The following POLDIP3 variants were observed in gnomAD, a reference collection of about 807,000 sequenced individuals.
The protein encoded by POLDIP3 is polymerase delta-interacting protein 3.
Under a neutral mutation model 45.1 loss-of-function variants are expected in POLDIP3, and 14 were observed. That is an observed-to-expected ratio of 0.31 (90% CI 0.20 to 0.49). POLDIP3 has a LOEUF of 0.49. Among genes scored for constraint, POLDIP3 ranks in the 20% least tolerant of loss-of-function variants. The pLI, the probability that POLDIP3 is intolerant of heterozygous loss-of-function variation, is 0.99. For synonymous variants in POLDIP3, 223 were observed against 205.2 expected, an observed-to-expected ratio of 1.09 and a Z score of -0.74; for missense variants, 511 against 538.8, an observed-to-expected ratio of 0.95 and a Z score of 0.51.
intron 8 of POLDIP3, among the ~76,000 whole-genome samples, chr22:42,586,767 T>G (rs1925340146): frequency 6.6e-6 from 1 of 152,162 alleles, no homozygotes; most frequent in South Asian, 2.1e-4. Flanking sequence ...CCCCACACTA[T>G]CCCACTCACC....
chr22:42,602,004 C>G lies in POLDIP3; in HGVS notation c.503G>C (p.Arg168Thr). 6.2e-7 allele frequency: 1 copy of G among 1,614,176 alleles called. No individual in the cohort carries two copies. The highest frequency in any genetic ancestry group is 8.5e-7 in the Non-Finnish European group (1 of 1,180,006). Reference protein sequence around the residue: ...APLHPHPAGMRINVVNNHQAK... With the variant: ...APLHPHPAGMTINVVNNHQAK... ...CTGGTGGTTATTGACAACATTGATT[C>G]TCATTCCGGCAGGATGGGGATGAAG... The change falls in exon 3 of 9, where the codon AGA (arginine) becomes ACA (threonine). Residue 168 changes from arginine to threonine, a missense_variant. Arg to Thr is a moderately conservative substitution (Grantham distance 71). This residue lies in a region of POLDIP3 where 378 missense variants were observed against 352.3 expected (regional missense o/e 1.07). Transcript: ENST00000252115.
chr22:42,612,694 C>T (rs1395220658), intron 1 of POLDIP3, among the ~76,000 whole-genome samples: 1 of 151,962 alleles, frequency 6.6e-6, no homozygotes, highest in African/African-American at 2.4e-5. Flanking sequence ...GTCGTGGTGT[C>T]GGGCACCTGT....
intron 1 of POLDIP3, among the ~76,000 whole-genome samples, chr22:42,609,382 G>C (rs906624921): frequency 5.9e-5 from 9 of 152,218 alleles, no homozygotes; most frequent in African/African-American, 1.9e-4. Context: ...CAAGAGCGCT[G>C]CTGGCAGGTG....
At chr22:42,608,572 G>A (rs1036016552) in intron 1 of POLDIP3, among the ~76,000 whole-genome samples, 2 of 152,110 alleles carry the variant, frequency 1.3e-5, no homozygotes, top group Non-Finnish European at 2.9e-5. Context: ...AGGATAAACA[G>A]TCCGCAGGCT....
rs142280736 is a variant in POLDIP3, at chr22:42,610,351, G to A, written c.59+4448C>T. 2.8e-3 allele frequency among the ~76,000 whole-genome samples: 419 copies of A among 152,184 alleles called. 2 individuals carry two copies. Among genetic ancestry groups the A allele is most frequent in the African/African-American group, 9.2e-3 (383 of 41,510 alleles). On this transcript the variant is annotated intron_variant, in intron 1 of 8. Coordinates refer to ENST00000252115, the MANE Select transcript of POLDIP3 (RefSeq NM_032311.5). The stretch of plus-strand genomic sequence containing the variant: ...ACAAGGAAACAAGCAGTCAGTACCA[G>A]GACCAGAGTCCTGGGCTGAACTGCA...
At chr22:42,602,653 G>A (rs1926468510) in intron 2 of POLDIP3, 117 bp downstream of exon 2, 2 of 1,211,306 alleles carry the variant, frequency 1.7e-6, no homozygotes, top group African/African-American at 3.0e-5. Flanking sequence ...AGCAAAGTCT[G>A]TATTATGCCA....
At position 42,610,397 on chromosome 22, in the gene POLDIP3, C is replaced by T. The variant is rs571978434; in HGVS notation, c.59+4402G>A. On this transcript the variant is annotated intron_variant, in intron 1 of 8. Coordinates refer to ENST00000252115, the MANE Select transcript of POLDIP3 (RefSeq NM_032311.5). ...CTGCAAAGTTTACAATCCACCCTGT[C>T]CCCCAACAACCTCCCACTTCCAGCT... Among the ~76,000 whole-genome samples, 220 of 152,296 alleles carry T rather than the reference C, an allele frequency of 1.4e-3. 2 individuals are homozygous for T. Among genetic ancestry groups the T allele is most frequent in the South Asian group, 2.9e-3 (14 of 4,830 alleles).
chr22:42,610,101 G>A (rs1193583712), intron 1 of POLDIP3, among the ~76,000 whole-genome samples: 2 of 152,084 alleles, frequency 1.3e-5, no homozygotes, highest in Non-Finnish European at 2.9e-5. Flanking sequence ...TTGAATCCAG[G>A]AGGTGGAGGT....
intron 7 of POLDIP3, among the ~76,000 whole-genome samples, chr22:42,590,631 C>T (rs1047884970): frequency 2.0e-5 from 3 of 152,178 alleles, no homozygotes; most frequent in African/African-American, 7.2e-5. Context: ...CCTTATACTG[C>T]ATATGAATAC....
intron 1 of POLDIP3, among the ~76,000 whole-genome samples, chr22:42,611,957 C>A (rs1927145394): frequency 6.6e-6 from 1 of 152,234 alleles, no homozygotes; most frequent in Non-Finnish European, 1.5e-5. Flanking sequence ...AGATCTTTCA[C>A]ATTATCTTAA....
At chr22:42,594,303 G>A (rs1420130742) in intron 6 of POLDIP3, among the ~76,000 whole-genome samples, 1 of 151,956 alleles carries the variant, frequency 6.6e-6, no homozygotes, top group African/African-American at 2.4e-5. Context: ...TTGAGGTCAC[G>A]AGTTCGAGAC....
intron 6 of POLDIP3, among the ~76,000 whole-genome samples, chr22:42,595,336 C>T (rs1414443194): frequency 6.6e-6 from 1 of 152,128 alleles, no homozygotes; most frequent in Non-Finnish European, 1.5e-5. Flanking sequence ...CCTCTGGAGG[C>T]TTGTGCCTCG....
intron 6 of POLDIP3, among the ~76,000 whole-genome samples, chr22:42,592,663 T>TA (rs1925742032): frequency 6.6e-6 from 1 of 152,218 alleles, no homozygotes; most frequent in Non-Finnish European, 1.5e-5. Flanking sequence ...GCAAATTACT[T>TA]AACTTCTCTG....
intron 1 of POLDIP3, 99 bp from the exon 2 acceptor site, chr22:42,603,259 G>A (rs1204399916): frequency 1.5e-6 from 2 of 1,320,798 alleles, no homozygotes; most frequent in Admixed American, 2.3e-5. Flanking sequence ...AGGAGGCCCT[G>A]GAGAATCAGA....
In POLDIP3 at chr22:42,595,621, C is replaced by G; in HGVS notation, c.814-7G>C. Reference sequence around the variant, plus strand: ...CCAATGGGCTGAGAACAGGCTGCCACACAGACAAGAGCATTACCAGAAGCC... The same window carrying G: ...CCAATGGGCTGAGAACAGGCTGCCAGACAGACAAGAGCATTACCAGAAGCC... On this transcript the variant is annotated splice_region_variant and splice_polypyrimidine_tract_variant and intron_variant, in intron 5 of 8. Transcript: ENST00000252115. 2 of 1,613,388 alleles carry G rather than the reference C, an allele frequency of 1.2e-6. No individual in the cohort carries two copies. Among genetic ancestry groups the G allele is most frequent in the Non-Finnish European group, 8.5e-7 (1 of 1,179,582 alleles).
intron 4 of POLDIP3, among the ~76,000 whole-genome samples, chr22:42,598,799 A>G (rs1032678378): frequency 6.6e-6 from 1 of 152,182 alleles, no homozygotes; most frequent in Non-Finnish European, 1.5e-5. Flanking sequence ...ACAAGGACCC[A>G]CCTAGGCAGC....
chr22:42,609,924 G>A (rs961530390), intron 1 of POLDIP3, among the ~76,000 whole-genome samples: 3 of 152,142 alleles, frequency 2.0e-5, no homozygotes, highest in Non-Finnish European at 4.4e-5. Context: ...GTAATCCCAA[G>A]CACTTTGGGA....
Position 42,584,287 on chromosome 22 carries a change from C to G in POLDIP3, c.*1504G>C, listed in dbSNP as rs1925155407. On this transcript the variant is annotated 3_prime_UTR_variant, in exon 9 of 9. Coordinates refer to ENST00000252115, the MANE Select transcript of POLDIP3 (RefSeq NM_032311.5). ...TAAAGAACTGCAAGTGGAGCACCAC[C>G]AGGCCCCTTCCTTGGACTTTCCCGT... 1 of 154,648 alleles carries G rather than the reference C, an allele frequency of 6.5e-6. No individual in the cohort carries two copies. Among genetic ancestry groups the G allele is most frequent in the Non-Finnish European group, 1.4e-5 (1 of 69,406 alleles). 9.6% of individuals were successfully genotyped at this position (154,648 alleles called of 1,614,324 possible).
chr22:42,588,987 T>C (rs963534948), intron 7 of POLDIP3, among the ~76,000 whole-genome samples: 2 of 152,162 alleles, frequency 1.3e-5, no homozygotes, highest in Non-Finnish European at 2.9e-5. Flanking sequence ...ATGCCTGTAA[T>C]CCCAGCACTT....
Sources: gnomAD v4.1 joint callset for allele counts (sites outside exome capture counted in the v4.1 genomes callset) on GRCh38, gnomAD v4.1.1 for gene constraint, gnomAD v4.1.1 regional missense constraint, MANE v1.5 for transcripts, NCBI Gene and HGNC (gene_info 2026-07-23, HGNC 2026-07-21) for gene names.